ELP4: variants seen among roughly 807,000 people sequenced by gnomAD.
ELP4 encodes the protein elongator acetyltransferase complex subunit 4, also known as elongator complex protein 4.
ELP4 carries 51 observed loss-of-function variants against 48.9 expected under a neutral mutation model. The ratio of observed to expected loss-of-function variants is 1.04; its 90% CI spans 0.83 to 1.32. ELP4 has a LOEUF of 1.32. Among genes scored for constraint, ELP4 ranks in the 40% most tolerant of loss-of-function variants. The probability of loss-of-function intolerance (pLI) is 0.00; values close to 1 mark genes in which losing one functional copy is unlikely to be tolerated. For missense variants in ELP4, 519 were observed against 514.6 expected, an observed-to-expected ratio of 1.01 and a Z score of -0.08; for synonymous variants, 210 against 189.2, an observed-to-expected ratio of 1.11 and a Z score of -0.90.
intron 4 of ELP4, chr11:31,600,348 C>T (rs925374220): frequency 1.3e-5 from 2 of 152,154 alleles, no homozygotes; most frequent in Admixed American, 6.5e-5. Flanking sequence ...TTAATTTTCT[C>T]AGTATTGTAG....
At chr11:31,778,807 C>A (rs1295134649) in intron 9 of ELP4, among the ~76,000 whole-genome samples, 1 of 152,086 alleles carries the variant, frequency 6.6e-6, no homozygotes, top group Non-Finnish European at 1.5e-5. Flanking sequence ...CAATGTAGAA[C>A]CTGTGTGTTC....
intron 9 of ELP4, among the ~76,000 whole-genome samples, chr11:31,765,500 G>A (rs1452564694): frequency 6.6e-6 from 1 of 151,964 alleles, no homozygotes; most frequent in African/African-American, 2.4e-5. Context: ...GATTAACAGG[G>A]CAACTACCAA....
At chr11:31,716,695 T>C (rs993479352) in intron 9 of ELP4, among the ~76,000 whole-genome samples, 1 of 152,204 alleles carries the variant, frequency 6.6e-6, no homozygotes, top group Non-Finnish European at 1.5e-5. Flanking sequence ...ATAAGCATTA[T>C]ACAAAGATAT....
intron 9 of ELP4, among the ~76,000 whole-genome samples, chr11:31,727,322 G>T (rs1947096347): frequency 6.6e-6 from 1 of 152,080 alleles, no homozygotes; most frequent in Non-Finnish European, 1.5e-5. Context: ...ATACATAAAA[G>T]AATTTGAGAT....
chr11:31,664,472 C>A (rs1432237237), intron 9 of ELP4: 2 of 151,884 alleles, frequency 1.3e-5, no homozygotes, highest in East Asian at 3.9e-4. Flanking sequence ...TTAAAGATAC[C>A]AAAGTTTGTG....
intron 2 of ELP4, among the ~76,000 whole-genome samples, chr11:31,530,723 G>T (rs189677732): frequency 2.6e-5 from 4 of 152,186 alleles, no homozygotes; most frequent in Admixed American, 2.6e-4. Context: ...ACAGATATTT[G>T]AAGACAGCTA....
At chr11:31,578,663 A>G (rs999467578) in intron 3 of ELP4, among the ~76,000 whole-genome samples, 1 of 152,236 alleles carries the variant, frequency 6.6e-6, no homozygotes, top group Non-Finnish European at 1.5e-5. Flanking sequence ...ATCTTTGACA[A>G]ACCTGACAAA....
intron 4 of ELP4, among the ~76,000 whole-genome samples, chr11:31,598,252 C>T (rs1013923581): frequency 6.6e-6 from 1 of 151,974 alleles, no homozygotes; most frequent in Non-Finnish European, 1.5e-5. Flanking sequence ...CCGCACCTGG[C>T]CAGCCTTTTC....
At chr11:31,580,652 A>G in intron 3 of ELP4, 1 of 154,126 alleles carries the variant, frequency 6.5e-6, no homozygotes, top group Non-Finnish European at 1.4e-5. Context: ...TTCCCTATAT[A>G]ACTTTCTTCT....
At chr11:31,701,788 A>G (rs1015446101) in intron 9 of ELP4, among the ~76,000 whole-genome samples, 70 of 151,254 alleles carry the variant, frequency 4.6e-4, no homozygotes, top group South Asian at 4.1e-4. Flanking sequence ...TATTTTACCT[A>G]ATATAATAAG....
At chr11:31,546,765 C>T (rs567428224) in intron 3 of ELP4, among the ~76,000 whole-genome samples, 2 of 151,872 alleles carry the variant, frequency 1.3e-5, no homozygotes, top group African/African-American at 4.8e-5. Flanking sequence ...TGTAAAAGAA[C>T]AGAAATTATA....
intron 3 of ELP4, among the ~76,000 whole-genome samples, chr11:31,551,958 C>A (rs1426879393): frequency 3.9e-5 from 6 of 152,056 alleles, no homozygotes; most frequent in African/African-American, 1.4e-4. Flanking sequence ...TAATAATAAT[C>A]AAACTTCCTT....
intron 9 of ELP4, among the ~76,000 whole-genome samples, chr11:31,726,019 A>G (rs1947069437): frequency 6.6e-6 from 1 of 152,240 alleles, no homozygotes; most frequent in African/African-American, 2.4e-5. Context: ...AGAATGCTTA[A>G]CAAAGGAGGG....
intron 1 of ELP4, among the ~76,000 whole-genome samples, chr11:31,518,200 T>A (rs1427186336): frequency 6.6e-6 from 1 of 150,464 alleles, no homozygotes; most frequent in Non-Finnish European, 1.5e-5. Flanking sequence ...TCCACCTTCC[T>A]GGTTCAAGCG....
At position 31,603,881 on chromosome 11, in the gene ELP4, A is replaced by G; in HGVS notation, c.627A>G (p.Ile209Met). ...NWHGFFLPEK[I>M]SSTLKVEPCS... ...ATGGATTTTTTCTTCCAGAGAAAAT[A>G]TCTTCAACTCTCAAAGTAGAACCCT... Residue 209 changes from isoleucine (I) to methionine (M), a missense_variant, in exon 5 of 10, where the codon ATA becomes ATG. Coordinates refer to ENST00000640961, the MANE Select transcript of ELP4 (RefSeq NM_019040.5). 1 of 1,611,842 alleles carries G rather than the reference A, an allele frequency of 6.2e-7. No homozygotes were observed. Among genetic ancestry groups the G allele is most frequent in the Non-Finnish European group, 8.5e-7 (1 of 1,178,480 alleles).
intron 3 of ELP4, among the ~76,000 whole-genome samples, chr11:31,570,602 G>A (rs1957177967): frequency 6.6e-6 from 1 of 150,968 alleles, no homozygotes; most frequent in African/African-American, 2.4e-5. Flanking sequence ...CAAGTAGCTG[G>A]GATTACAGGC....
intron 7 of ELP4, among the ~76,000 whole-genome samples, chr11:31,635,198 A>G (rs1182804831): frequency 6.6e-6 from 1 of 152,012 alleles, no homozygotes; most frequent in East Asian, 1.9e-4. Flanking sequence ...GGCTAAGGAA[A>G]GAGAATAAGA....
chr11:31,771,597 C>T (rs1292402461), intron 9 of ELP4, among the ~76,000 whole-genome samples: 1 of 152,206 alleles, frequency 6.6e-6, no homozygotes, highest in Non-Finnish European at 1.5e-5. Flanking sequence ...TTCAAGCATG[C>T]CAAACTTATT....
intron 1 of ELP4, among the ~76,000 whole-genome samples, chr11:31,519,007 G>A (rs758667792): frequency 1.3e-5 from 2 of 151,838 alleles, no homozygotes; most frequent in Non-Finnish European, 2.9e-5. Context: ...TACAGACAGG[G>A]TTTCACCATG....
Sources: allele counts gnomAD v4.1 joint callset (sites outside exome capture counted in the v4.1 genomes callset), GRCh38; gene constraint gnomAD v4.1.1; transcripts MANE v1.5; gene names NCBI Gene and HGNC (gene_info 2026-07-23, HGNC 2026-07-21).